The following DNAH17 variants were observed in gnomAD, a reference collection of about 807,000 sequenced individuals.
DNAH17 encodes the protein axonemal beta dynein heavy chain 17.
In DNAH17, 376 loss-of-function variants were observed where a neutral mutation model predicts 485.6. The ratio of observed to expected loss-of-function variants is 0.77; its 90% CI spans 0.71 to 0.84. DNAH17 has a LOEUF of 0.84. Ranked by LOEUF, DNAH17 falls within the 40% of genes least tolerant of loss-of-function variation. DNAH17 has a pLI of 0.00. For missense variants in DNAH17, 6,370 were observed against 5,839.3 expected (o/e 1.09, Z -2.96); for synonymous variants, 3,031 against 2,405.9 (o/e 1.26, Z -7.60).
intron 56 of DNAH17, among the ~76,000 whole-genome samples, chr17:78,463,863 T>C (rs1018903907): frequency 2.7e-5 from 4 of 150,886 alleles, no homozygotes; most frequent in African/African-American, 1.0e-4. Flanking sequence ...ACACAGACAT[T>C]TCAGGGTATA....
rs1485629427 is a variant in DNAH17 at position 78,507,686 on chromosome 17, G to T, written c.4356C>A (p.Asn1452Lys). Residue 1452 changes from asparagine to lysine, a missense_variant, in exon 28 of 81, where the codon AAC becomes AAA. Physicochemically the swap from Asn to Lys is moderately conservative, Grantham distance 94 (BLOSUM62 0). Coordinates refer to ENST00000389840, the MANE Select transcript of DNAH17 (RefSeq NM_173628.4). Reference sequence around the variant, plus strand: ...TCATCAGGTTCTGCAGCTGCACCTGGTTGTCCTCCAGCGTCTCCACCAGCA... The same window carrying T: ...TCATCAGGTTCTGCAGCTGCACCTGTTTGTCCTCCAGCGTCTCCACCAGCA... ...SEVLVETLED[N>K]QVQLQNLMMS... 2 of 1,612,206 alleles carry T rather than the reference G, an allele frequency of 1.2e-6. No homozygotes were observed. Among genetic ancestry groups the T allele is most frequent in the South Asian group, 1.1e-5 (1 of 91,042 alleles).
chr17:78,437,806 C>A lies in DNAH17; in HGVS notation c.11868G>T (p.Thr3956=). Residue 3956 remains threonine, a synonymous_variant, in exon 74 of 81, where the codon ACG becomes ACT. Coordinates refer to ENST00000389840, the MANE Select transcript of DNAH17 (RefSeq NM_173628.4). ...TLDKKLEHYS[T]GSHEDYRVFI... ...ACACCCGGTAGTCCTCATGGCTGCC[C>A]GTGCTGTAGTGCTCCAGCTTCTTGT... 1 of 1,612,462 alleles carries A rather than the reference C, an allele frequency of 6.2e-7. No individual in the cohort carries two copies. The highest frequency in any genetic ancestry group is 1.1e-5 in the South Asian group (1 of 91,066).
At chr17:78,576,583 A>G (rs1297708868) in intron 1 of DNAH17, among the ~76,000 whole-genome samples, 1 of 152,152 alleles carries the variant, frequency 6.6e-6, no homozygotes, top group African/African-American at 2.4e-5. Context: ...AGGATCTCCG[A>G]GACCCGGGGA....
chr17:78,450,606 TA>T, intron 67 of DNAH17, 75 bp downstream of exon 67: 1 of 1,527,856 alleles, frequency 6.5e-7, no homozygotes. Context: ...TTTCTCATGG[TA>T]GGGAGGCGCC....
chr17:78,444,693 G>A lies in DNAH17; in HGVS notation c.11439C>T (p.Ile3813=). The change falls in exon 71 of 81, where the codon ATC becomes ATT. Residue 3813 remains isoleucine (I), a synonymous_variant. Transcript: ENST00000389840. ...TCTTGTTCTTCCACTCCTTGGGGAAGATCTCCTTCTCGGGGGCTTCCGACT... is the reference window on the plus strand; with the variant it reads ...TCTTGTTCTTCCACTCCTTGGGGAAAATCTCCTTCTCGGGGGCTTCCGACT... ...LVESEAPEKE[I]FPKEWKNKTA... is the part of the protein sequence containing the mutation. The A allele has an allele frequency of 6.2e-7, 1 of 1,610,572 alleles. No individual in the cohort carries two copies. The highest frequency in any genetic ancestry group is 8.5e-7 in the Non-Finnish European group (1 of 1,178,876).
rs2092164387 is a variant in DNAH17 at position 78,561,893 on chromosome 17, C to T, written c.1657G>A (p.Asp553Asn). ...PRYSVMLELF[D>N]AELDNAKILY... ...ATCTTAGCATTGTCTAGCTCAGCGT[C>T]AAACAGCTCCAGCATGACTGAATAC... The change falls in exon 12 of 81, where the codon GAC becomes AAC. Residue 553 changes from aspartate (D) to asparagine (N), a missense_variant. Physicochemically the swap from Asp to Asn is conservative, Grantham distance 23 (BLOSUM62 1). Transcript: ENST00000389840. 6.2e-7 allele frequency: 1 copy of T among 1,613,752 alleles called. No individual in the cohort carries two copies. The highest frequency in any genetic ancestry group is 1.7e-5 in the Admixed American group (1 of 60,002).
At chr17:78,480,013 C>CTT (rs370344478) in intron 49 of DNAH17, among the ~76,000 whole-genome samples, 2,073 of 70,416 alleles carry the variant, frequency 0.029, 696 homozygotes, top group Non-Finnish European at 0.046. Flanking sequence ...ACAACAAGTA[C>CTT]TTTTTTTTTT....
intron 71 of DNAH17, among the ~76,000 whole-genome samples, chr17:78,442,339 G>A (rs545869865): frequency 4.6e-5 from 7 of 152,320 alleles, no homozygotes; most frequent in African/African-American, 1.7e-4. Flanking sequence ...ACCTGGATCT[G>A]CTATTCCTTT....
intron 25 of DNAH17, among the ~76,000 whole-genome samples, chr17:78,519,920 A>AC (rs1192417624): frequency 1.3e-5 from 2 of 151,904 alleles, no homozygotes; most frequent in Non-Finnish European, 2.9e-5. Flanking sequence ...GACCAGCCTG[A>AC]CCAACATAGT....
At chr17:78,503,079 T>C (rs1442753765) in intron 31 of DNAH17, 68 bp from the exon 32 acceptor site, 1 of 1,500,576 alleles carries the variant, frequency 6.7e-7, no homozygotes, top group Non-Finnish European at 8.9e-7. Flanking sequence ...TAATTTTGTT[T>C]GTATTTGTTG....
Position 78,527,011 on chromosome 17 carries a change from G to A in DNAH17, c.3508-15C>T, listed in dbSNP as rs1384082428. 4 of 1,530,926 alleles carry A rather than the reference G, an allele frequency of 2.6e-6. No individual in the cohort carries two copies. In the South Asian group the frequency reaches 3.6e-5, roughly 14 times the overall value. 94.8% of individuals were successfully genotyped at this position (1,530,926 alleles called of 1,614,324 possible). On this transcript the variant is annotated splice_polypyrimidine_tract_variant and intron_variant, in intron 22 of 80. Coordinates refer to ENST00000389840, the MANE Select transcript of DNAH17 (RefSeq NM_173628.4). ...TCCGGCAGCTCCTGCGGGAAGCAAA[G>A]GCAGAGGAGGGCTCCTTTCTCATTT...
intron 40 of DNAH17, 159 bp from the exon 41 acceptor site, chr17:78,494,332 T>C (rs1182827994): frequency 2.0e-5 from 23 of 1,177,666 alleles, no homozygotes; most frequent in Middle Eastern, 4.5e-4. Context: ...ATGCCGAGAG[T>C]TGACATAGCT....
intron 72 of DNAH17, 148 bp from the exon 73 acceptor site, chr17:78,439,365 C>G: frequency 1.0e-6 from 1 of 954,906 alleles, no homozygotes; most frequent in Non-Finnish European, 1.5e-6. Flanking sequence ...TGTTTTAAAA[C>G]CCATCTTAAA....
intron 57 of DNAH17, 23 bp downstream of exon 57, chr17:78,462,821 G>A (rs1043427431): frequency 1.9e-6 from 3 of 1,612,330 alleles, no homozygotes; most frequent in Admixed American, 1.7e-5. Context: ...CACAGGAGCT[G>A]GCAGCCAGCC....
Position 78,544,112 on chromosome 17 carries a change from G to A in DNAH17, c.2392-115C>T, listed in dbSNP as rs376128560. On this transcript the variant is annotated intron_variant, in intron 16 of 80. Transcript: ENST00000389840. ...CGTCACTGCTGCCTGATCTTGGATT[G>A]GAGTCTAGTTCTCCACGATCCATGC... The A allele has an allele frequency of 1.7e-4, 246 of 1,448,790 alleles. 1 individual carries two copies. Among genetic ancestry groups the A allele is most frequent in the East Asian group, 7.5e-4 (32 of 42,892 alleles). The allele number at this position is 1,448,790 out of a possible 1,614,324, so 89.7% of individuals were successfully genotyped here.
chr17:78,424,490 C>T (rs1329461217), intron 80 of DNAH17: 4 of 297,274 alleles, frequency 1.3e-5, no homozygotes, highest in Non-Finnish European at 1.9e-5. Context: ...GTAAAGTTCC[C>T]TGATTCTTAA....
At chr17:78,465,020 C>T (rs1434225418) in intron 56 of DNAH17, among the ~76,000 whole-genome samples, 2 of 152,366 alleles carry the variant, frequency 1.3e-5, no homozygotes, top group East Asian at 3.9e-4. Context: ...GCTGCCATCT[C>T]GGCTCGCTGC....
rs547026737 is a variant in DNAH17 at position 78,451,351 on chromosome 17, A to G, written c.10734+118T>C. 19 of 924,268 alleles carry G rather than the reference A, an allele frequency of 2.1e-5. No individual in the cohort carries two copies. In the Middle Eastern group the frequency reaches 1.8e-3, roughly 85 times the overall value. The allele number at this position is 924,268 out of a possible 1,614,324, so 57.3% of individuals were successfully genotyped here. ...CCGTGGGACACACTGAGGCACCTTC[A>G]GAGAGAAGCAACGACACACACTGGA... On this transcript the variant is annotated intron_variant, in intron 66 of 80. Coordinates refer to ENST00000389840, the MANE Select transcript of DNAH17 (RefSeq NM_173628.4).
At chr17:78,572,500 C>CT (rs1474816835) in intron 3 of DNAH17, among the ~76,000 whole-genome samples, 1 of 152,074 alleles carries the variant, frequency 6.6e-6, no homozygotes, top group Non-Finnish European at 1.5e-5. Flanking sequence ...AGCCTGCTCC[C>CT]TCCCTGCCCT....
Sources: gnomAD v4.1 joint callset for allele counts (sites outside exome capture counted in the v4.1 genomes callset) on GRCh38, gnomAD v4.1.1 for gene constraint, MANE v1.5 for transcripts, NCBI Gene and HGNC (gene_info 2026-07-23, HGNC 2026-07-21) for gene names.